SBF2: variants seen among roughly 807,000 people sequenced by gnomAD.
The protein encoded by SBF2 is SET binding factor 2, also known as myotubularin-related protein 13.
SBF2 carries 112 observed loss-of-function variants against 225.2 expected under a neutral mutation model. That is an observed-to-expected ratio of 0.50 (90% CI 0.43 to 0.58). The LOEUF is 0.58. SBF2 is among the 20% of genes least tolerant of loss of function. The pLI, the probability that SBF2 is intolerant of heterozygous loss-of-function variation, is 0.00. For synonymous variants in SBF2, 763 were observed against 773.3 expected (o/e 0.99, Z 0.22); for missense variants, 1,996 against 2,206.2 (o/e 0.90, Z 1.91).
intron 16 of SBF2, among the ~76,000 whole-genome samples, chr11:9,934,091 A>AATAAATAC (rs1461157923): frequency 2.8e-4 from 43 of 151,964 alleles, no homozygotes; most frequent in African/African-American, 1.0e-3. Flanking sequence ...AAAATAAATA[A>AATAAATAC]ATAAAAATAA....
chr11:10,216,534 TAGA>T (rs1001590200), intron 1 of SBF2, among the ~76,000 whole-genome samples: 4 of 152,354 alleles, frequency 2.6e-5, no homozygotes, highest in East Asian at 1.9e-4. Context: ...TTAAGGAACG[TAGA>T]AGAATTAGTT....
chr11:10,217,801 G>A (rs1397820566), intron 1 of SBF2, among the ~76,000 whole-genome samples: 7 of 152,056 alleles, frequency 4.6e-5, no homozygotes, highest in African/African-American at 1.7e-4. Flanking sequence ...ACCGAGACTG[G>A]TTAATTTATT....
At chr11:10,103,838 T>C (rs1286298953) in intron 2 of SBF2, among the ~76,000 whole-genome samples, 1 of 152,178 alleles carries the variant, frequency 6.6e-6, no homozygotes, top group Non-Finnish European at 1.5e-5. Context: ...CCCAGCACTT[T>C]GGGAGGCCAA....
At chr11:9,932,014 T>C in intron 16 of SBF2, among the ~76,000 whole-genome samples, 1 of 151,866 alleles carries the variant, frequency 6.6e-6, no homozygotes, top group East Asian at 1.9e-4. Context: ...TTCGATCAAC[T>C]GGAAGAAAGG....
In SBF2 at chr11:10,171,180, A is replaced by G. The variant is rs566501598; in HGVS notation, c.141+22722T>C. ...GCTAGAACTTCCAGTACTATGTTGA[A>G]TAACAGTGGTGAAAGTGGGCATCCT... On this transcript the variant is annotated intron_variant, in intron 2 of 39. Transcript: ENST00000256190. Among the ~76,000 whole-genome samples, 7 of 152,274 alleles carry G rather than the reference A, an allele frequency of 4.6e-5. No homozygotes were observed. In the East Asian group the frequency reaches 1.4e-3, roughly 29 times the overall value.
intron 6 of SBF2, chr11:10,016,664 T>C (rs2896517): frequency 0.18 from 27,769 of 152,074 alleles, 2,689 homozygotes; most frequent in East Asian, 0.28. Flanking sequence ...TTTTTTGTAT[T>C]TTTAGTAGAG....
chr11:10,194,168 A>G (rs531735577), intron 1 of SBF2, among the ~76,000 whole-genome samples, 181 bp from the exon 2 acceptor site: 1 of 152,348 alleles, frequency 6.6e-6, no homozygotes, highest in South Asian at 2.1e-4. Context: ...TAGGACCTCC[A>G]TATCCATGGG....
intron 1 of SBF2, among the ~76,000 whole-genome samples, chr11:10,284,181 G>A (rs1002854572): frequency 2.0e-5 from 3 of 152,068 alleles, no homozygotes; most frequent in Non-Finnish European, 4.4e-5. Context: ...CACTGGTGAC[G>A]TCTTGCAAAA....
rs574177096 is a variant in SBF2 at position 9,932,957 on chromosome 11, C to CAAAAAAAAAAA, written c.1860+28989_1860+28999dup. Among the ~76,000 whole-genome samples, 10 of 58,770 alleles carry CAAAAAAAAAAA rather than the reference C, an allele frequency of 1.7e-4. 1 individual carries two copies. The highest frequency in any genetic ancestry group is 2.4e-3 in the East Asian group (1 of 420). The allele number at this position is 58,770 out of a possible 152,430, so 38.6% of individuals were successfully genotyped here. ...GGAGATCTACCAAGCAAACGAAAAG[C>CAAAAAAAAAAA]AAAAAAAAAAAAAAAAAAAAAAAAA... On this transcript the variant is annotated intron_variant, in intron 16 of 39. Coordinates refer to ENST00000256190, the MANE Select transcript of SBF2 (RefSeq NM_030962.4).
intron 16 of SBF2, among the ~76,000 whole-genome samples, chr11:9,935,027 C>T (rs1268249213): frequency 6.6e-6 from 1 of 152,130 alleles, no homozygotes; most frequent in African/African-American, 2.4e-5. Context: ...TCCCTGTTTG[C>T]AGATGACATG....
intron 2 of SBF2, among the ~76,000 whole-genome samples, chr11:10,100,216 G>C (rs1171902973): frequency 1.3e-5 from 2 of 152,206 alleles, no homozygotes; most frequent in Non-Finnish European, 2.9e-5. Flanking sequence ...CCAATCTCCT[G>C]CAAAACTGGC....
intron 2 of SBF2, among the ~76,000 whole-genome samples, chr11:10,177,861 C>T (rs1252887968): frequency 1.3e-5 from 2 of 149,268 alleles, no homozygotes; most frequent in Non-Finnish European, 3.0e-5. Flanking sequence ...TCATATGGAA[C>T]CAAAAAAGAG....
At chr11:9,957,328 C>CT (rs1382106474) in intron 16 of SBF2, 1 of 152,246 alleles carries the variant, frequency 6.6e-6, no homozygotes, top group Admixed American at 6.5e-5. Context: ...ACTTCCCTCA[C>CT]TCCTTACTCA....
Position 10,004,023 on chromosome 11 carries a change from T to C in SBF2, c.620-1334A>G, listed in dbSNP as rs531264872. Reference sequence around the variant, plus strand: ...ATTTCCTTAGTCTATTATTAATTGCTATTCCCTCTTATCACTTCCAACTTA... The same window carrying C: ...ATTTCCTTAGTCTATTATTAATTGCCATTCCCTCTTATCACTTCCAACTTA... On this transcript the variant is annotated intron_variant, in intron 6 of 39. Transcript: ENST00000256190. Among the ~76,000 whole-genome samples, 17 of 152,308 alleles carry C rather than the reference T, an allele frequency of 1.1e-4. 1 individual carries two copies. Among genetic ancestry groups the C allele is most frequent in the African/African-American group, 4.1e-4 (17 of 41,566 alleles).
chr11:10,189,802 T>C (rs73415072), intron 2 of SBF2, among the ~76,000 whole-genome samples: 2,338 of 152,282 alleles, frequency 0.015, 49 homozygotes, highest in African/African-American at 0.04. Flanking sequence ...GATTGTGGCA[T>C]ATTTTCTGAA....
intron 1 of SBF2, among the ~76,000 whole-genome samples, chr11:10,254,412 T>C (rs895171585): frequency 1.4e-4 from 21 of 151,172 alleles, no homozygotes; most frequent in Non-Finnish European, 2.1e-4. Flanking sequence ...ACTACCTATA[T>C]GATCCAACTA....
At chr11:9,920,033 C>T (rs1368081513) in intron 16 of SBF2, among the ~76,000 whole-genome samples, 1 of 151,944 alleles carries the variant, frequency 6.6e-6, no homozygotes, top group Non-Finnish European at 1.5e-5. Context: ...TGCCCGGCCT[C>T]TTCTTTTTTA....
At chr11:10,195,374 G>T (rs1407629689) in intron 1 of SBF2, among the ~76,000 whole-genome samples, 4 of 152,158 alleles carry the variant, frequency 2.6e-5, no homozygotes, top group African/African-American at 9.7e-5. Flanking sequence ...CTTTGGGGAT[G>T]TAATTTGTGA....
intron 2 of SBF2, among the ~76,000 whole-genome samples, chr11:10,110,091 A>C (rs1952763897): frequency 6.6e-6 from 1 of 152,240 alleles, no homozygotes; most frequent in Non-Finnish European, 1.5e-5. Context: ...TTATTCGTCC[A>C]GATGTATTTC....
Sources: allele counts gnomAD v4.1 joint callset (sites outside exome capture counted in the v4.1 genomes callset), GRCh38; gene constraint gnomAD v4.1.1; transcripts MANE v1.5; gene names NCBI Gene and HGNC (gene_info 2026-07-23, HGNC 2026-07-21).